PCDHA9: variants seen among roughly 807,000 people sequenced by gnomAD.
PCDHA9 encodes the protein protocadherin alpha 9.
A neutral mutation model predicts 62.0 loss-of-function variants in PCDHA9; 62 were observed. The ratio of observed to expected loss-of-function variants is 1.00; its 90% CI spans 0.81 to 1.23. PCDHA9 has a LOEUF of 1.23. PCDHA9 is among the 50% of genes most tolerant of loss of function. The pLI is 0.00. For missense variants in PCDHA9, 1,205 were observed against 1,249.8 expected, an observed-to-expected ratio of 0.96 and a Z score of 0.54; for synonymous variants, 557 against 567.6, an observed-to-expected ratio of 0.98 and a Z score of 0.27.
At chr5:140,984,547 C>T (rs1554246370) in intron 3 of PCDHA9, among the ~76,000 whole-genome samples, 2 of 152,118 alleles carry the variant, frequency 1.3e-5, no homozygotes, top group Non-Finnish European at 2.9e-5. Context: ...CTGGATAGAG[C>T]TTACATCTTC....
chr5:140,877,994 G>A lies in PCDHA9; in HGVS notation c.2394+27105G>A, dbSNP rs1349448705. On this transcript the variant is annotated intron_variant, in intron 1 of 3. Coordinates refer to ENST00000532602, the MANE Select transcript of PCDHA9 (RefSeq NM_031857.2). Reference sequence around the variant, plus strand: ...ATTCTTACTCATTTTGAACTTTTATGTATTTGTCTAACATTAATGAAGGAA... The same window carrying A: ...ATTCTTACTCATTTTGAACTTTTATATATTTGTCTAACATTAATGAAGGAA... The A allele has an allele frequency of 8.3e-6, 9 of 1,078,340 alleles. No homozygotes were observed. The Admixed American group carries it at 1.0e-4, about 12-fold the overall frequency. 66.8% of individuals were successfully genotyped at this position (1,078,340 alleles called of 1,614,324 possible). A position where few individuals can be genotyped will look rare whatever the true frequency, so the allele number is the denominator to read the frequency against.
chr5:140,876,783 C>G (rs1554168916), intron 1 of PCDHA9: 2 of 1,614,196 alleles, frequency 1.2e-6, no homozygotes, highest in Admixed American at 1.7e-5. Flanking sequence ...CGCTGTGGGC[C>G]ACGGCTAGAG....
In PCDHA9 at chr5:141,010,017, T is replaced by C; in HGVS notation, c.*80T>C. 1.3e-6 allele frequency: 2 copies of C among 1,571,154 alleles called. No individual in the cohort carries two copies. Among genetic ancestry groups the C allele is most frequent in the Non-Finnish European group, 1.7e-6 (2 of 1,162,678 alleles). On this transcript the variant is annotated 3_prime_UTR_variant, in exon 4 of 4. Transcript: ENST00000532602. ...CTCCCATGTAGCAATTCCCTGCTCC[T>C]TTTTCCTATCTACATGAGCCCTCTT...
intron 3 of PCDHA9, among the ~76,000 whole-genome samples, chr5:140,995,774 G>A (rs2097697505): frequency 1.3e-5 from 2 of 151,968 alleles, no homozygotes; most frequent in Admixed American, 1.3e-4. Context: ...GAGAGTGAAG[G>A]GCAGGTTTAA....
chr5:140,890,915 G>A (rs1169684735), intron 1 of PCDHA9, among the ~76,000 whole-genome samples: 4 of 152,116 alleles, frequency 2.6e-5, no homozygotes, highest in African/African-American at 9.7e-5. Flanking sequence ...AGAATAATTT[G>A]AGAGTTTCCT....
intron 1 of PCDHA9, chr5:140,866,765 C>G (rs1053050045): frequency 6.6e-6 from 1 of 152,122 alleles, no homozygotes; most frequent in Non-Finnish European, 1.5e-5. Context: ...GACATACAGG[C>G]AGATTGTATG....
intron 1 of PCDHA9, among the ~76,000 whole-genome samples, chr5:140,949,692 T>A (rs1563239592): frequency 6.6e-6 from 1 of 151,854 alleles, no homozygotes; most frequent in Non-Finnish European, 1.5e-5. Flanking sequence ...AGCGTATTGT[T>A]GGATCTTGCT....
intron 1 of PCDHA9, among the ~76,000 whole-genome samples, chr5:140,921,217 T>G (rs2080100928): frequency 6.6e-6 from 1 of 152,122 alleles, no homozygotes; most frequent in African/African-American, 2.4e-5. Flanking sequence ...ATTCACGTCT[T>G]TTTTGCTAGA....
chr5:141,009,941 C>T lies in PCDHA9; in HGVS notation c.*4C>T, dbSNP rs976573218. On this transcript the variant is annotated 3_prime_UTR_variant, in exon 4 of 4. Coordinates refer to ENST00000532602, the MANE Select transcript of PCDHA9 (RefSeq NM_031857.2). ...GACTGACAACAGTGACCAGTGAGGT[C>T]CTCAAATGGAAACAAGCCACTTAGC... is the stretch of plus-strand genomic sequence containing the variant. 6.3e-7 allele frequency: 1 copy of T among 1,597,476 alleles called. No individual in the cohort carries two copies. The highest frequency in any genetic ancestry group is 1.4e-5 in the African/African-American group (1 of 73,558).
chr5:140,966,957 C>T lies in PCDHA9; in HGVS notation c.2395-11992C>T, dbSNP rs868948639. 4 of 1,602,884 alleles carry T rather than the reference C, an allele frequency of 2.5e-6. No individual in the cohort carries two copies. The African/African-American group carries it at 4.0e-5, about 16-fold the overall frequency. ...GCGCTCGTGGGCAACGTGGCTCGCG[C>T]GCTGGGGCTTGAGCTGCGGCGCTTG... On this transcript the variant is annotated intron_variant, in intron 1 of 3. Transcript: ENST00000532602.
At chr5:140,894,632 TATC>T (rs1161134901) in intron 1 of PCDHA9, among the ~76,000 whole-genome samples, 1 of 151,990 alleles carries the variant, frequency 6.6e-6, no homozygotes, top group Non-Finnish European at 1.5e-5. Context: ...TCTCCAATCA[TATC>T]ATTACTGAGT....
At chr5:140,883,756 G>A (rs1404911116) in intron 1 of PCDHA9, 7 of 1,612,950 alleles carry the variant, frequency 4.3e-6, no homozygotes, top group Non-Finnish European at 5.1e-6. Flanking sequence ...CGCTGGTGGA[G>A]CGGCGGGTGG....
At chr5:141,002,934 C>A (rs1318656602) in intron 3 of PCDHA9, among the ~76,000 whole-genome samples, 2 of 152,172 alleles carry the variant, frequency 1.3e-5, no homozygotes, top group Non-Finnish European at 2.9e-5. Flanking sequence ...CCTCCAACAC[C>A]CTCCAGCACA....
chr5:140,875,478 G>T, intron 1 of PCDHA9: 4 of 1,610,404 alleles, frequency 2.5e-6, no homozygotes, highest in Non-Finnish European at 3.4e-6. Flanking sequence ...CTGCAATGGT[G>T]ATTATCGGAC....
chr5:140,988,332 A>G (rs2097293198), intron 3 of PCDHA9, among the ~76,000 whole-genome samples: 1 of 152,230 alleles, frequency 6.6e-6, no homozygotes, highest in Non-Finnish European at 1.5e-5. Context: ...ACCCGAGGAA[A>G]GTAAGTCCTT....
chr5:140,853,924 T>G, intron 1 of PCDHA9: 1 of 905,060 alleles, frequency 1.1e-6, no homozygotes, highest in Non-Finnish European at 1.3e-6. Flanking sequence ...ATCCCAACAT[T>G]TTGGGAGGCC....
At chr5:140,995,946 C>A (rs2097705145) in intron 3 of PCDHA9, among the ~76,000 whole-genome samples, 1 of 152,192 alleles carries the variant, frequency 6.6e-6, no homozygotes, top group South Asian at 2.1e-4. Flanking sequence ...TGACATAATG[C>A]ACGCAAAATG....
intron 1 of PCDHA9, chr5:140,929,259 G>A (rs782558603): frequency 4.7e-5 from 76 of 1,612,754 alleles, no homozygotes; most frequent in Non-Finnish European, 6.2e-5. Context: ...GGGTAGGACT[G>A]AATTTGCCAA....
intron 1 of PCDHA9, chr5:140,883,984 C>T: frequency 2.5e-6 from 4 of 1,612,818 alleles, no homozygotes. Context: ...GGGCTGGCAG[C>T]GCGGGAGGCA....
Sources: gnomAD v4.1 joint callset for allele counts (sites outside exome capture counted in the v4.1 genomes callset) on GRCh38, gnomAD v4.1.1 for gene constraint, MANE v1.5 for transcripts, NCBI Gene and HGNC (gene_info 2026-07-23, HGNC 2026-07-21) for gene names.